Variants in TRAPPC9 observed in about 807,000 individuals in gnomAD.
TRAPPC9 encodes IKK2 binding protein.
TRAPPC9 carries 83 observed loss-of-function variants against 124.0 expected under a neutral mutation model. The ratio of observed to expected loss-of-function variants is 0.67; its 90% CI spans 0.56 to 0.80. TRAPPC9 has a LOEUF of 0.80. Among genes scored for constraint, TRAPPC9 ranks in the 30% least tolerant of loss-of-function variants. The probability of loss-of-function intolerance (pLI) is 0.00; values close to 1 mark genes in which losing one functional copy is unlikely to be tolerated. For missense variants in TRAPPC9, 1,302 were observed against 1,508.3 expected (o/e 0.86, Z 2.27); for synonymous variants, 638 against 617.5 (o/e 1.03, Z -0.49).
At chr8:139,893,230 A>G (rs1334430396) in intron 20 of TRAPPC9, among the ~76,000 whole-genome samples, 2 of 152,300 alleles carry the variant, frequency 1.3e-5, no homozygotes, top group East Asian at 1.9e-4. Context: ...GTCTGTTTTC[A>G]TAGTGGACTT....
chr8:140,322,703 G>C (rs2066627683), intron 9 of TRAPPC9, among the ~76,000 whole-genome samples: 1 of 152,182 alleles, frequency 6.6e-6, no homozygotes, highest in East Asian at 1.9e-4. Context: ...AGGCATGGTG[G>C]TGTGCACCTG....
intron 16 of TRAPPC9, among the ~76,000 whole-genome samples, chr8:140,224,853 TC>T (rs1288594526): frequency 6.6e-6 from 1 of 152,148 alleles, no homozygotes; most frequent in Non-Finnish European, 1.5e-5. Flanking sequence ...ATCTTCTCTG[TC>T]CTGAGACCCG....
intron 21 of TRAPPC9, among the ~76,000 whole-genome samples, chr8:139,782,254 C>A (rs1054895838): frequency 3.9e-5 from 6 of 152,058 alleles, no homozygotes; most frequent in African/African-American, 1.4e-4. Context: ...GTGGCATGCA[C>A]CTGTAGTCCC....
At chr8:139,910,389 CACTAT>C in intron 19 of TRAPPC9, 89 bp from the exon 20 acceptor site, 2 of 1,262,142 alleles carry the variant, frequency 1.6e-6, no homozygotes, top group South Asian at 2.4e-5. Context: ...CAGCGTGAGA[CACTAT>C]AATGAATCAT....
At chr8:140,170,640 A>G (rs750123217) in intron 17 of TRAPPC9, among the ~76,000 whole-genome samples, 17 of 152,246 alleles carry the variant, frequency 1.1e-4, no homozygotes, top group Non-Finnish European at 1.0e-4. Context: ...GCTCACTGGG[A>G]AACTGATGAG....
intron 14 of TRAPPC9, among the ~76,000 whole-genome samples, chr8:140,281,628 A>G (rs1036847540): frequency 6.6e-6 from 1 of 152,196 alleles, no homozygotes; most frequent in African/African-American, 2.4e-5. Flanking sequence ...TCAACGTTTT[A>G]TTCCAGGGAT....
chr8:139,811,368 A>C (rs1824434445), intron 21 of TRAPPC9, among the ~76,000 whole-genome samples: 1 of 152,172 alleles, frequency 6.6e-6, no homozygotes, highest in Admixed American at 6.5e-5. Flanking sequence ...GGAAGAGAAA[A>C]CCCAGGAACA....
intron 4 of TRAPPC9, among the ~76,000 whole-genome samples, chr8:140,431,141 C>G (rs533273711): frequency 1.7e-4 from 26 of 152,120 alleles, no homozygotes; most frequent in African/African-American, 6.3e-4. Flanking sequence ...AAACCTGCAG[C>G]TAAATTATGG....
intron 9 of TRAPPC9, among the ~76,000 whole-genome samples, chr8:140,358,532 A>G (rs1024079462): frequency 6.6e-6 from 1 of 152,116 alleles, no homozygotes; most frequent in Non-Finnish European, 1.5e-5. Context: ...AAACCTCACA[A>G]CCACCCTCAG....
rs1358524485 is a variant in TRAPPC9, at chr8:139,788,211, C to A, written c.3056-56009G>T. On this transcript the variant is annotated intron_variant, in intron 21 of 22. Transcript: ENST00000438773. The surrounding 1 kb of genome is among the most constrained non-coding windows in gnomAD (Gnocchi z 4.9). ...ATGCCCCTCTTGGCGCCTGGCAGGG[C>A]AGCCCCTCCTGTGGCCCAGGACTCT... 3.3e-5 allele frequency among the ~76,000 whole-genome samples: 5 copies of A among 152,232 alleles called. No homozygotes were observed. Among genetic ancestry groups the A allele is most frequent in the African/African-American group, 7.2e-5 (3 of 41,470 alleles).
At chr8:140,401,322 T>C (rs2069259474) in intron 6 of TRAPPC9, among the ~76,000 whole-genome samples, 2 of 152,210 alleles carry the variant, frequency 1.3e-5, no homozygotes, top group South Asian at 2.1e-4. Flanking sequence ...ACACATATAA[T>C]GTACATGTAA....
At chr8:139,735,306 A>G (rs910840415) in intron 21 of TRAPPC9, among the ~76,000 whole-genome samples, 2 of 152,238 alleles carry the variant, frequency 1.3e-5, no homozygotes, top group Non-Finnish European at 2.9e-5. Flanking sequence ...CAGTCACAGC[A>G]CGTCCCAGTA....
At chr8:139,987,843 G>A (rs371435433) in intron 19 of TRAPPC9, among the ~76,000 whole-genome samples, 94 of 152,172 alleles carry the variant, frequency 6.2e-4, no homozygotes, top group African/African-American at 2.1e-3. Flanking sequence ...ACCTGCCTCC[G>A]GGCAAGCCCT....
rs550548650 is a variant in TRAPPC9 at position 139,743,176 on chromosome 8, T to G, written c.3056-10974A>C. Among the ~76,000 whole-genome samples the G allele has an allele frequency of 4.2e-4, 64 of 152,310 alleles. 1 individual carries two copies. Among genetic ancestry groups the G allele is most frequent in the Admixed American group, 2.0e-3 (31 of 15,300 alleles). On this transcript the variant is annotated intron_variant, in intron 21 of 22. Transcript: ENST00000438773. ...GACAGCGGAATGATCTGTGGATTTC[T>G]TGTCCAACTGGCTCGTCCAACAATC...
intron 2 of TRAPPC9, among the ~76,000 whole-genome samples, chr8:140,448,826 C>G (rs1185046286): frequency 6.6e-6 from 1 of 152,214 alleles, no homozygotes; most frequent in Admixed American, 6.5e-5. Flanking sequence ...AGAAAGGCCC[C>G]GGGCCTCAGA....
intron 7 of TRAPPC9, among the ~76,000 whole-genome samples, chr8:140,389,699 C>T (rs2068867374): frequency 6.6e-6 from 1 of 152,074 alleles, no homozygotes; most frequent in South Asian, 2.1e-4. Context: ...TCTAAGGTAA[C>T]CCCTAAGGTA....
intron 17 of TRAPPC9, among the ~76,000 whole-genome samples, chr8:140,035,769 C>G (rs547687620): frequency 6.6e-6 from 1 of 152,208 alleles, no homozygotes; most frequent in Admixed American, 6.5e-5. Context: ...GTGACTTCAC[C>G]GGGAATCGGC....
At chr8:139,805,754 C>G (rs1824002836) in intron 21 of TRAPPC9, among the ~76,000 whole-genome samples, 1 of 152,048 alleles carries the variant, frequency 6.6e-6, no homozygotes, top group South Asian at 2.1e-4. Context: ...AACCACAGAC[C>G]CAGAGAATGC....
intron 16 of TRAPPC9, among the ~76,000 whole-genome samples, chr8:140,237,610 T>C (rs2063756721): frequency 6.6e-6 from 1 of 151,918 alleles, no homozygotes; most frequent in South Asian, 2.1e-4. Context: ...GCAGTAAATA[T>C]GAGAGCACGG....
Sources: gnomAD v4.1 joint callset for allele counts (sites outside exome capture counted in the v4.1 genomes callset) on GRCh38, gnomAD v4.1.1 for gene constraint, Gnocchi (gnomAD v3.1) non-coding constraint, MANE v1.5 for transcripts, NCBI Gene and HGNC (gene_info 2026-07-23, HGNC 2026-07-21) for gene names.